The following BMPER variants were observed in gnomAD, a reference collection of about 807,000 sequenced individuals.
BMPER encodes the protein BMP-binding endothelial regulator protein.
Under a neutral mutation model 87.3 loss-of-function variants are expected in BMPER, and 45 were observed. That is an observed-to-expected ratio of 0.52 (90% confidence interval 0.41 to 0.66). The LOEUF (loss-of-function observed/expected upper bound fraction) is 0.66. Ranked by LOEUF, BMPER falls within the 30% of genes least tolerant of loss-of-function variation. The pLI, the probability that BMPER is intolerant of heterozygous loss-of-function variation, is 0.00. For missense variants in BMPER, 784 were observed against 867.5 expected, an observed-to-expected ratio of 0.90 and a Z score of 1.21; for synonymous variants, 326 against 316.2, an observed-to-expected ratio of 1.03 and a Z score of -0.33.
At chr7:34,142,289 TC>T (rs1583477344) in intron 13 of BMPER, among the ~76,000 whole-genome samples, 3 of 152,330 alleles carry the variant, frequency 2.0e-5, no homozygotes, top group Admixed American at 6.5e-5. Flanking sequence ...TTTGCTCTTT[TC>T]CACTTAAAAG....
chr7:33,924,520 C>T (rs947754810), intron 2 of BMPER, among the ~76,000 whole-genome samples: 6 of 152,222 alleles, frequency 3.9e-5, no homozygotes, highest in East Asian at 1.9e-4. Context: ...CTTACTCCTA[C>T]GGGATACCCA....
At chr7:34,114,157 T>A (rs1790052795) in intron 13 of BMPER, among the ~76,000 whole-genome samples, 1 of 152,224 alleles carries the variant, frequency 6.6e-6, no homozygotes, top group Non-Finnish European at 1.5e-5. Context: ...ACCACAAGCA[T>A]CAACATCTGC....
chr7:34,082,988 G>A (rs977051444), intron 12 of BMPER, among the ~76,000 whole-genome samples: 15 of 152,118 alleles, frequency 9.9e-5, no homozygotes, highest in African/African-American at 1.4e-4. Flanking sequence ...ACAGGCTTGT[G>A]AGGTCAAGTT....
chr7:34,022,851 A>T (rs1005102726), intron 6 of BMPER, among the ~76,000 whole-genome samples: 2 of 151,952 alleles, frequency 1.3e-5, no homozygotes, highest in African/African-American at 4.8e-5. Flanking sequence ...CTCCAGGGTG[A>T]TGCTATGACG....
intron 4 of BMPER, among the ~76,000 whole-genome samples, chr7:33,968,658 G>C (rs991036691): frequency 6.6e-5 from 10 of 152,228 alleles, no homozygotes; most frequent in African/African-American, 2.4e-4. Context: ...TGTTAAAAAT[G>C]CTTCTGGTAG....
At chr7:34,127,830 C>T (rs1331930783) in intron 13 of BMPER, among the ~76,000 whole-genome samples, 3 of 152,150 alleles carry the variant, frequency 2.0e-5, no homozygotes, top group Non-Finnish European at 2.9e-5. Flanking sequence ...TGGTGTCTTT[C>T]CCTCTTGGAA....
intron 6 of BMPER, among the ~76,000 whole-genome samples, chr7:34,040,368 C>T (rs1787801994): frequency 6.6e-6 from 1 of 152,132 alleles, no homozygotes; most frequent in African/African-American, 2.4e-5. Flanking sequence ...GCATGCAGAG[C>T]CTCAGCTTCA....
At chr7:33,947,203 A>G (rs1784911239) in intron 3 of BMPER, among the ~76,000 whole-genome samples, 1 of 152,134 alleles carries the variant, frequency 6.6e-6, no homozygotes, top group Non-Finnish European at 1.5e-5. Flanking sequence ...GCTTTTCTGT[A>G]TTTACTTGGA....
intron 11 of BMPER, among the ~76,000 whole-genome samples, chr7:34,062,265 T>A (rs931230784): frequency 6.6e-6 from 1 of 152,208 alleles, no homozygotes; most frequent in African/African-American, 2.4e-5. Context: ...AATTTGTTGC[T>A]ATGAGAAATT....
chr7:34,106,445 T>C (rs985664075), intron 13 of BMPER, among the ~76,000 whole-genome samples: 1 of 152,214 alleles, frequency 6.6e-6, no homozygotes, highest in African/African-American at 2.4e-5. Flanking sequence ...AGAAAATGAA[T>C]GTGGAGCATG....
At chr7:34,011,339 G>A (rs537376869) in intron 6 of BMPER, among the ~76,000 whole-genome samples, 1 of 151,902 alleles carries the variant, frequency 6.6e-6, no homozygotes, top group African/African-American at 2.4e-5. Flanking sequence ...CATACTTTGA[G>A]TAGCAAGGAC....
At chr7:33,976,771 G>A (rs1287507281) in intron 6 of BMPER, among the ~76,000 whole-genome samples, 1 of 152,172 alleles carries the variant, frequency 6.6e-6, no homozygotes, top group East Asian at 1.9e-4. Flanking sequence ...GTGACAGCCA[G>A]CCAGAGTTAT....
At chr7:33,944,351 G>A (rs1784832901) in intron 3 of BMPER, among the ~76,000 whole-genome samples, 1 of 152,052 alleles carries the variant, frequency 6.6e-6, no homozygotes, top group South Asian at 2.1e-4. Flanking sequence ...ATTTTTAGTA[G>A]AGATGAGGTT....
chr7:33,997,836 A>G (rs979642603), intron 6 of BMPER, among the ~76,000 whole-genome samples: 1 of 152,182 alleles, frequency 6.6e-6, no homozygotes, highest in Non-Finnish European at 1.5e-5. Flanking sequence ...GAAATGAAGG[A>G]GCCAGATATG....
intron 6 of BMPER, among the ~76,000 whole-genome samples, chr7:34,018,325 C>T (rs1787090062): frequency 6.6e-6 from 1 of 151,910 alleles, no homozygotes; most frequent in Non-Finnish European, 1.5e-5. Flanking sequence ...TTCACTCCAA[C>T]TGCCCTAAAG....
At chr7:33,977,686 A>C (rs1309384564) in intron 6 of BMPER, among the ~76,000 whole-genome samples, 2 of 152,206 alleles carry the variant, frequency 1.3e-5, no homozygotes, top group Non-Finnish European at 2.9e-5. Flanking sequence ...TATGCATTTG[A>C]GCATGTATAT....
chr7:34,016,419 G>T (rs549957251), intron 6 of BMPER, among the ~76,000 whole-genome samples: 371 of 152,036 alleles, frequency 2.4e-3, no homozygotes, highest in Non-Finnish European at 4.5e-3. Flanking sequence ...AAAGCAAATG[G>T]TTGAACTCAG....
In BMPER at chr7:34,143,278, T is replaced by C. The variant is rs1357940861; in HGVS notation, c.1794T>C (p.Tyr598=). 3.1e-6 allele frequency: 5 copies of C among 1,614,012 alleles called. No individual in the cohort carries two copies. In the African/African-American group the frequency reaches 4.0e-5, roughly 13 times the overall value. The part of the protein sequence containing the change: ...MCECPVHKNC[Y]CESFLAYTRA... Reference sequence around the variant, plus strand: ...AATGTCCAGTCCATAAAAACTGTTATTGCGAGTCATTTTTGGCATATACCC... The same window carrying C: ...AATGTCCAGTCCATAAAAACTGTTACTGCGAGTCATTTTTGGCATATACCC... The change falls in exon 14 of 15, where the codon TAT becomes TAC. Residue 598 remains tyrosine, a synonymous_variant. Coordinates refer to ENST00000649409, the MANE Select transcript of BMPER (RefSeq NM_001365308.1).
At chr7:33,916,134 T>G (rs138774291) in intron 2 of BMPER, among the ~76,000 whole-genome samples, 2 of 152,230 alleles carry the variant, frequency 1.3e-5, no homozygotes, top group Admixed American at 6.5e-5. Flanking sequence ...AATGTGTTTA[T>G]TCTGAATTTT....
Sources: allele counts gnomAD v4.1 joint callset (sites outside exome capture counted in the v4.1 genomes callset), GRCh38; gene constraint gnomAD v4.1.1; transcripts MANE v1.5; gene names NCBI Gene and HGNC (gene_info 2026-07-23, HGNC 2026-07-21).